Variants in MEI4 observed in about 807,000 individuals in gnomAD.
MEI4 encodes meiosis-specific protein MEI4.
In MEI4, 27 loss-of-function variants were observed where a neutral mutation model predicts 31.4. That is an observed-to-expected ratio of 0.86 (90% CI 0.63 to 1.19). The LOEUF is 1.19. MEI4 is among the 50% of genes most tolerant of loss of function. The pLI is 0.00. For missense variants in MEI4, 329 were observed against 398.9 expected (o/e 0.82, Z 1.49); for synonymous variants, 122 against 145.4 (o/e 0.84, Z 1.16).
chr6:77,716,877 T>G (rs1375736142), intron 2 of MEI4: 9 of 983,470 alleles, frequency 9.2e-6, no homozygotes, highest in Non-Finnish European at 1.2e-6. Flanking sequence ...TAGAAAATGA[T>G]GACTGTCCAT....
chr6:77,829,155 CTGA>C, intron 4 of MEI4, 93 bp downstream of exon 4: 1 of 981,878 alleles, frequency 1.0e-6, no homozygotes, highest in Non-Finnish European at 1.3e-6. Flanking sequence ...TCTTTCCAGG[CTGA>C]TGTTTTAGTT....
At chr6:77,662,134 G>A (rs201178190) in intron 1 of MEI4, among the ~76,000 whole-genome samples, 7 of 152,172 alleles carry the variant, frequency 4.6e-5, no homozygotes, top group Non-Finnish European at 8.8e-5. Context: ...AGATATTGAC[G>A]CGTAGTCCTT....
intron 2 of MEI4, among the ~76,000 whole-genome samples, chr6:77,759,510 G>T (rs189553700): frequency 2.0e-5 from 3 of 152,014 alleles, no homozygotes; most frequent in African/African-American, 4.8e-5. Context: ...GACTAAACCT[G>T]AACTTTTTAT....
At chr6:77,700,633 A>G (rs1194667666) in intron 2 of MEI4, among the ~76,000 whole-genome samples, 3 of 152,134 alleles carry the variant, frequency 2.0e-5, no homozygotes, top group Non-Finnish European at 4.4e-5. Flanking sequence ...CCCTAGTGGG[A>G]TGAACCTGGT....
At chr6:77,801,135 G>A (rs534997980) in intron 3 of MEI4, among the ~76,000 whole-genome samples, 2 of 152,296 alleles carry the variant, frequency 1.3e-5, no homozygotes, top group East Asian at 1.9e-4. Context: ...ACTTTTGTTG[G>A]TTGGTAAGCT....
At chr6:77,912,088 C>T (rs1055828015) in intron 4 of MEI4, among the ~76,000 whole-genome samples, 1 of 151,964 alleles carries the variant, frequency 6.6e-6, no homozygotes, top group Non-Finnish European at 1.5e-5. Flanking sequence ...TGTGGGTGTC[C>T]TTTTCCCAGT....
intron 3 of MEI4, among the ~76,000 whole-genome samples, chr6:77,784,590 T>C (rs970940153): frequency 6.6e-6 from 1 of 152,142 alleles, no homozygotes; most frequent in Non-Finnish European, 1.5e-5. Flanking sequence ...AAACTGTACA[T>C]CCTTAGGTGC....
At chr6:77,803,424 C>A (rs1769331456) in intron 3 of MEI4, among the ~76,000 whole-genome samples, 1 of 152,088 alleles carries the variant, frequency 6.6e-6, no homozygotes, top group South Asian at 2.1e-4. Flanking sequence ...TGAACTTCCT[C>A]CTTTAGCTCA....
intron 3 of MEI4, among the ~76,000 whole-genome samples, chr6:77,821,255 A>T (rs575076587): frequency 1.5e-3 from 229 of 152,224 alleles, no homozygotes; most frequent in African/African-American, 4.5e-3. Flanking sequence ...ATTTTTAAAA[A>T]TTTTTTATTA....
chr6:77,900,137 C>CA (rs1312379621), intron 4 of MEI4, among the ~76,000 whole-genome samples: 5 of 151,432 alleles, frequency 3.3e-5, no homozygotes, highest in East Asian at 1.9e-4. Context: ...ATCAAAAAGC[C>CA]AAAAAATAAT....
intron 1 of MEI4, among the ~76,000 whole-genome samples, chr6:77,680,363 A>T (rs1377040622): frequency 3.9e-5 from 6 of 152,092 alleles, no homozygotes; most frequent in African/African-American, 1.2e-4. Context: ...GTAGTGGGGT[A>T]AGTCGCATGG....
At chr6:77,828,240 G>T (rs1374284306) in intron 3 of MEI4, among the ~76,000 whole-genome samples, 1 of 151,384 alleles carries the variant, frequency 6.6e-6, no homozygotes, top group Non-Finnish European at 1.5e-5. Flanking sequence ...TAATTCAGGG[G>T]TCCCTAGCCA....
Position 77,761,677 on chromosome 6 carries a change from A to G in MEI4, c.768+12A>G, listed in dbSNP as rs1043014515. The stretch of plus-strand genomic sequence containing the variant: ...ATCATATAAATCAGGTGAGTAATAA[A>G]TCCCTCTTTTATTCCTAAAATGCTA... On this transcript the variant is annotated intron_variant, in intron 3 of 4. Transcript: ENST00000684080. 8.2e-7 allele frequency: 1 copy of G among 1,223,932 alleles called. No homozygotes were observed. Among genetic ancestry groups the G allele is most frequent in the African/African-American group, 1.6e-5 (1 of 64,224 alleles). The allele number at this position is 1,223,932 out of a possible 1,614,324, so 75.8% of individuals were successfully genotyped here.
At chr6:77,860,769 C>T (rs889634185) in intron 4 of MEI4, among the ~76,000 whole-genome samples, 1 of 152,218 alleles carries the variant, frequency 6.6e-6, no homozygotes, top group Non-Finnish European at 1.5e-5. Context: ...CCTCTGTAAC[C>T]ACCATAACTA....
In MEI4 at chr6:77,873,466, G is replaced by A. The variant is rs1164733949; in HGVS notation, c.900+44404G>A. On this transcript the variant is annotated intron_variant, in intron 4 of 4. Coordinates refer to ENST00000684080, the MANE Select transcript of MEI4 (RefSeq NM_001322247.2). Reference sequence around the variant, plus strand: ...TGATGGGGTTGTTTGTTTTTTTCTTGTAAATTCGTTTGAGTTCATTGTAGA... The same window carrying A: ...TGATGGGGTTGTTTGTTTTTTTCTTATAAATTCGTTTGAGTTCATTGTAGA... 3.3e-5 allele frequency among the ~76,000 whole-genome samples: 5 copies of A among 152,114 alleles called. No individual in the cohort carries two copies. The East Asian group carries it at 5.8e-4, about 18-fold the overall frequency.
intron 3 of MEI4, among the ~76,000 whole-genome samples, chr6:77,817,591 C>G (rs867329569): frequency 1.3e-5 from 2 of 151,998 alleles, no homozygotes; most frequent in Middle Eastern, 6.8e-3. Flanking sequence ...GACTTTAAAA[C>G]CTATTATTAT....
chr6:77,743,693 G>A (rs1249758563), intron 2 of MEI4, among the ~76,000 whole-genome samples: 3 of 152,258 alleles, frequency 2.0e-5, no homozygotes, highest in African/African-American at 4.8e-5. Context: ...CCTGACCCCC[G>A]AGCAGCCTAA....
At chr6:77,689,396 A>G (rs566868227) in intron 1 of MEI4, among the ~76,000 whole-genome samples, 2 of 152,210 alleles carry the variant, frequency 1.3e-5, no homozygotes, top group South Asian at 4.1e-4. Context: ...AACATATTTT[A>G]TACAGATTTT....
At chr6:77,751,966 T>C (rs1052194746) in intron 2 of MEI4, among the ~76,000 whole-genome samples, 9 of 152,138 alleles carry the variant, frequency 5.9e-5, no homozygotes, top group African/African-American at 1.9e-4. Context: ...TAGTTCAACA[T>C]ACACAAATCA....
Sources: allele counts gnomAD v4.1 joint callset (sites outside exome capture counted in the v4.1 genomes callset), GRCh38; gene constraint gnomAD v4.1.1; transcripts MANE v1.5; gene names NCBI Gene and HGNC (gene_info 2026-07-23, HGNC 2026-07-21).